The following FBRSL1 variants were observed in gnomAD, a reference collection of about 807,000 sequenced individuals.
FBRSL1 encodes fibrosin-1-like protein.
In FBRSL1, 51 loss-of-function variants were observed where a neutral mutation model predicts 89.6. The observed-to-expected ratio is 0.57, with a 90% confidence interval of 0.45 to 0.72. The LOEUF is 0.72. FBRSL1 is among the 30% of genes least tolerant of loss of function. The probability of loss-of-function intolerance (pLI) is 0.00; values close to 1 mark genes in which losing one functional copy is unlikely to be tolerated. For missense variants in FBRSL1, 1,618 were observed against 1,451.8 expected, an observed-to-expected ratio of 1.11 and a Z score of -1.86; for synonymous variants, 779 against 681.1, an observed-to-expected ratio of 1.14 and a Z score of -2.24.
chr12:132,567,340 C>T lies in FBRSL1; in HGVS notation c.646-141C>T, dbSNP rs1423689101. On this transcript the variant is annotated intron_variant, in intron 5 of 18. Transcript: ENST00000680143. Reference sequence around the variant, plus strand: ...AGCTCAGGACTAAGCGTGTTCACCTCGTACACGGGGGCATCCACAAGGGCA... The same window carrying T: ...AGCTCAGGACTAAGCGTGTTCACCTTGTACACGGGGGCATCCACAAGGGCA... 13 of 744,740 alleles carry T rather than the reference C, an allele frequency of 1.7e-5. No individual in the cohort carries two copies. In the Admixed American group the frequency reaches 2.3e-4, roughly 13 times the overall value. 46.1% of individuals were successfully genotyped at this position (744,740 alleles called of 1,614,324 possible). A position where few individuals can be genotyped will look rare whatever the true frequency, so the allele number is the denominator to read the frequency against.
chr12:132,493,722 C>G (rs2136318086), intron 1 of FBRSL1, among the ~76,000 whole-genome samples: 1 of 152,200 alleles, frequency 6.6e-6, no homozygotes, highest in Non-Finnish European at 1.5e-5. Context: ...TTTGTGTACC[C>G]TGGGTGGGAC....
At chr12:132,492,813 C>T (rs779983217) in intron 1 of FBRSL1, among the ~76,000 whole-genome samples, 8 of 152,246 alleles carry the variant, frequency 5.3e-5, no homozygotes, top group African/African-American at 2.4e-5. Flanking sequence ...CCCTTCGGAG[C>T]CTGCCTGGGA....
intron 1 of FBRSL1, among the ~76,000 whole-genome samples, chr12:132,505,009 C>T (rs1423643560): frequency 6.6e-6 from 1 of 152,148 alleles, no homozygotes; most frequent in Non-Finnish European, 1.5e-5. Context: ...ACCTGTAATC[C>T]CAGCTGCTCA....
At chr12:132,566,912 C>G (rs1478002928) in intron 5 of FBRSL1, among the ~76,000 whole-genome samples, 1 of 152,242 alleles carries the variant, frequency 6.6e-6, no homozygotes, top group Non-Finnish European at 1.5e-5. Context: ...CGCTGGGCAC[C>G]AGGCCTGGAG....
intron 4 of FBRSL1, among the ~76,000 whole-genome samples, chr12:132,535,379 G>T (rs983191114): frequency 8.5e-5 from 13 of 152,184 alleles, no homozygotes; most frequent in Non-Finnish European, 1.8e-4. Context: ...GAGTGGATTT[G>T]AGATCCACAC....
Position 132,557,473 on chromosome 12 carries a change from C to T in FBRSL1, c.645+9441C>T, listed in dbSNP as rs560254807. ...GTCTAGTTTCACCCCCAAACTGGGG[C>T]GCAGGGCTGTGGGGCGGGGCTCGGG... On this transcript the variant is annotated intron_variant, in intron 5 of 18. Coordinates refer to ENST00000680143, the MANE Select transcript of FBRSL1 (RefSeq NM_001367871.1). Among the ~76,000 whole-genome samples the T allele has an allele frequency of 8.5e-5, 13 of 152,272 alleles. No individual in the cohort carries two copies. The East Asian group carries it at 2.1e-3, about 25-fold the overall frequency.
At chr12:132,540,575 A>C (rs2037174130) in intron 4 of FBRSL1, among the ~76,000 whole-genome samples, 1 of 151,360 alleles carries the variant, frequency 6.6e-6, no homozygotes, top group African/African-American at 2.4e-5. Flanking sequence ...GAGGCCAGAC[A>C]TCCCCTCTCA....
intron 4 of FBRSL1, among the ~76,000 whole-genome samples, 152 bp from the exon 5 acceptor site, chr12:132,547,851 G>T (rs2037829068): frequency 6.6e-6 from 1 of 152,124 alleles, no homozygotes; most frequent in Non-Finnish European, 1.5e-5. Context: ...CCTCCTAACC[G>T]CCCCGACCAC....
intron 9 of FBRSL1, chr12:132,571,992 A>T: frequency 2.0e-6 from 1 of 495,086 alleles, no homozygotes; most frequent in Non-Finnish European, 3.6e-6. Context: ...AGCGCGACCC[A>T]GCAGCCAGGG....
chr12:132,509,671 A>G, intron 2 of FBRSL1: 1 of 1,231,456 alleles, frequency 8.1e-7, no homozygotes, highest in Non-Finnish European at 1.0e-6. Context: ...GCCCCAAGGC[A>G]CCGCTGCAGG....
In FBRSL1 at chr12:132,578,343, T is replaced by TCACACACACACACAGACACACACA. The variant is rs1555290112; in HGVS notation, c.1834+1426_1834+1427insGACACACACACACACACACACACA. ...CTGGGCAACAGAGCAAGACCCTGTC[T>TCACACACACACACAGACACACACA]CACACACACACACACACACACACAA... On this transcript the variant is annotated intron_variant, in intron 15 of 18. Transcript: ENST00000680143. Among the ~76,000 whole-genome samples the TCACACACACACACAGACACACACA allele has an allele frequency of 5.0e-5, 7 of 141,110 alleles. No individual in the cohort carries two copies. The Admixed American group carries it at 5.0e-4, about 10-fold the overall frequency. 92.6% of individuals were successfully genotyped at this position (141,110 alleles called of 152,430 possible).
intron 5 of FBRSL1, among the ~76,000 whole-genome samples, chr12:132,560,726 C>T (rs2039051137): frequency 1.3e-5 from 2 of 152,182 alleles, no homozygotes; most frequent in Admixed American, 1.3e-4. Context: ...CTGAGGCTTG[C>T]CCGGGCGCCC....
rs201478218 is a variant in FBRSL1, at chr12:132,513,794, C to T, written c.489+5444C>T. On this transcript the variant is annotated intron_variant, in intron 2 of 18. Transcript: ENST00000680143. ...GACTGTGGCGGTGGGGCCAACCCCACGAGGGGCCTGGAGCTCTAAGGCCCT... is the reference window on the plus strand; with the variant it reads ...GACTGTGGCGGTGGGGCCAACCCCATGAGGGGCCTGGAGCTCTAAGGCCCT... 4.2e-3 allele frequency among the ~76,000 whole-genome samples: 634 copies of T among 152,252 alleles called. 2 individuals are homozygous for T. The highest frequency in any genetic ancestry group is 0.015 in the African/African-American group (614 of 41,550).
chr12:132,581,388 A>G (rs1476111406), intron 15 of FBRSL1, 51 bp from the exon 16 acceptor site: 4 of 1,550,420 alleles, frequency 2.6e-6, no homozygotes, highest in East Asian at 2.4e-5. Context: ...TGCAGATGGG[A>G]GGCCCTGGTG....
At chr12:132,582,494 G>A (rs1472803182) in intron 18 of FBRSL1, among the ~76,000 whole-genome samples, 1 of 144,058 alleles carries the variant, frequency 6.9e-6, no homozygotes, top group African/African-American at 2.6e-5. Context: ...GCTGAGCCCC[G>A]GGGTACGGGG....
rs2039714133 is a variant in FBRSL1 at position 132,567,555 on chromosome 12, G to A, written c.691+29G>A. The stretch of plus-strand genomic sequence containing the variant: ...AGTGGGTCCCCTCGGCCCAGCTCCT[G>A]GGCCTCTGAAGAGACACAATGCGCC... On this transcript the variant is annotated intron_variant, in intron 6 of 18. Transcript: ENST00000680143. 3.9e-6 allele frequency: 6 copies of A among 1,549,640 alleles called. No homozygotes were observed. In the South Asian group the frequency reaches 5.9e-5, roughly 15 times the overall value.
intron 5 of FBRSL1, among the ~76,000 whole-genome samples, chr12:132,562,512 G>A (rs1196778988): frequency 3.7e-5 from 2 of 53,808 alleles, no homozygotes; most frequent in Non-Finnish European, 6.7e-5. Context: ...TTGGTGGCTG[G>A]GGGCGCTGGA....
At chr12:132,506,671 C>T (rs535305908) in intron 1 of FBRSL1, among the ~76,000 whole-genome samples, 1 of 152,400 alleles carries the variant, frequency 6.6e-6, no homozygotes, top group South Asian at 2.1e-4. Flanking sequence ...GGAACCGTTT[C>T]TGCAGTGTTA....
At chr12:132,576,705 C>G (rs944217782) in intron 14 of FBRSL1, 94 bp from the exon 15 acceptor site, 62 of 1,406,290 alleles carry the variant, frequency 4.4e-5, no homozygotes, top group Non-Finnish European at 4.2e-5. Flanking sequence ...ACTGGACTGG[C>G]TCACACCCAG....
Sources: allele counts gnomAD v4.1 joint callset (sites outside exome capture counted in the v4.1 genomes callset), GRCh38; gene constraint gnomAD v4.1.1; transcripts MANE v1.5; gene names NCBI Gene and HGNC (gene_info 2026-07-23, HGNC 2026-07-21).